Variants in NME7 observed in about 807,000 individuals in gnomAD.
NME7 encodes the protein NME/NM23 family member 7.
Under a neutral mutation model 49.1 loss-of-function variants are expected in NME7, and 41 were observed. The ratio of observed to expected loss-of-function variants is 0.83; its 90% CI spans 0.65 to 1.08. The LOEUF is 1.08. NME7 is among the 50% of genes least tolerant of loss of function. The probability of loss-of-function intolerance (pLI) is 0.00; values close to 1 mark genes in which losing one functional copy is unlikely to be tolerated. For missense variants in NME7, 423 were observed against 463.4 expected (o/e 0.91, Z 0.80); for synonymous variants, 139 against 150.6 (o/e 0.92, Z 0.56).
Position 169,256,519 on chromosome 1 carries a change from G to C in NME7, c.755-18832C>G, listed in dbSNP as rs533444340. ...TTGCCTTTGGTTTGAATGCCCTCCA[G>C]TAGCTCAGAGTAATTTGATCGTCTG... is the stretch of plus-strand genomic sequence containing the variant. On this transcript the variant is annotated intron_variant, in intron 7 of 11. Transcript: ENST00000367811. 2.3e-5 allele frequency among the ~76,000 whole-genome samples: 3 copies of C among 132,680 alleles called. 1 individual carries two copies. The East Asian group carries it at 6.0e-4, about 27-fold the overall frequency. 87.0% of individuals were successfully genotyped at this position (132,680 alleles called of 152,430 possible).
intron 10 of NME7, among the ~76,000 whole-genome samples, chr1:169,176,775 C>G (rs925962461): frequency 2.6e-5 from 4 of 151,816 alleles, no homozygotes; most frequent in African/African-American, 9.7e-5. Context: ...AGGATGAGCT[C>G]AACTAAAAAA....
intron 11 of NME7, among the ~76,000 whole-genome samples, chr1:169,141,641 T>G (rs889554063): frequency 7.2e-5 from 11 of 152,240 alleles, no homozygotes; most frequent in African/African-American, 1.7e-4. Flanking sequence ...AATATTTTAT[T>G]TCTTGGGAAG....
At chr1:169,145,460 G>A (rs1658720902) in intron 11 of NME7, among the ~76,000 whole-genome samples, 2 of 152,168 alleles carry the variant, frequency 1.3e-5, no homozygotes, top group South Asian at 4.1e-4. Context: ...GTTGTCATAA[G>A]GCCAGTTATA....
intron 3 of NME7, among the ~76,000 whole-genome samples, chr1:169,319,007 T>C (rs2101931619): frequency 6.6e-6 from 1 of 151,216 alleles, no homozygotes; most frequent in South Asian, 2.1e-4. Context: ...ACATTTTTTG[T>C]ATTTATTAAA....
intron 11 of NME7, among the ~76,000 whole-genome samples, chr1:169,164,552 G>A (rs1473024097): frequency 2.0e-5 from 3 of 152,190 alleles, no homozygotes; most frequent in Non-Finnish European, 4.4e-5. Context: ...ACTTGCCCAG[G>A]AGTACAGAGC....
At chr1:169,320,779 T>C (rs1356052156) in intron 3 of NME7, among the ~76,000 whole-genome samples, 2 of 152,228 alleles carry the variant, frequency 1.3e-5, no homozygotes, top group African/African-American at 2.4e-5. Context: ...TCATTTTCAT[T>C]AACTATATAA....
At chr1:169,159,210 T>A (rs1466393624) in intron 11 of NME7, among the ~76,000 whole-genome samples, 1 of 152,122 alleles carries the variant, frequency 6.6e-6, no homozygotes, top group Non-Finnish European at 1.5e-5. Flanking sequence ...CTTCTTTCTT[T>A]ATGCCTGGAA....
At chr1:169,235,254 T>A (rs566797678) in intron 8 of NME7, 55 bp from the exon 9 acceptor site, 9 of 909,996 alleles carry the variant, frequency 9.9e-6, no homozygotes, top group Non-Finnish European at 1.5e-5. Flanking sequence ...AAAAGGGAAA[T>A]AAATAAGCCA....
At chr1:169,228,390 AG>A (rs1274306488) in intron 10 of NME7, among the ~76,000 whole-genome samples, 1 of 152,160 alleles carries the variant, frequency 6.6e-6, no homozygotes, top group Non-Finnish European at 1.5e-5. Context: ...CTTAAAAAAA[AG>A]TACAGGCCGG....
intron 11 of NME7, among the ~76,000 whole-genome samples, chr1:169,156,112 G>A (rs1659060686): frequency 2.0e-5 from 3 of 147,426 alleles, no homozygotes; most frequent in African/African-American, 5.0e-5. Flanking sequence ...GAGCCCAGGA[G>A]TTCTAGAGCA....
At chr1:169,269,066 T>C (rs541007082) in intron 7 of NME7, among the ~76,000 whole-genome samples, 1 of 133,958 alleles carries the variant, frequency 7.5e-6, no homozygotes, top group South Asian at 2.3e-4. Context: ...TAATACATAC[T>C]TACCTCTTCA....
intron 10 of NME7, among the ~76,000 whole-genome samples, chr1:169,228,224 T>G (rs1647427457): frequency 6.6e-6 from 1 of 152,072 alleles, no homozygotes; most frequent in Non-Finnish European, 1.5e-5. Flanking sequence ...TTCTATATAT[T>G]CACAAATACT....
chr1:169,309,575 A>C (rs530772366), intron 4 of NME7, among the ~76,000 whole-genome samples: 237 of 152,264 alleles, frequency 1.6e-3, no homozygotes, highest in Non-Finnish European at 2.2e-3. Flanking sequence ...AAAGACATGC[A>C]TATTGCTCCT....
At chr1:169,208,192 C>T (rs1301505024) in intron 10 of NME7, among the ~76,000 whole-genome samples, 4 of 152,098 alleles carry the variant, frequency 2.6e-5, no homozygotes, top group Non-Finnish European at 5.9e-5. Context: ...TCTATTATTG[C>T]AATTATAAGA....
chr1:169,188,969 G>A (rs138472283), intron 10 of NME7, among the ~76,000 whole-genome samples: 6 of 152,280 alleles, frequency 3.9e-5, no homozygotes, highest in Admixed American at 1.3e-4. Flanking sequence ...CATGGACACT[G>A]TCAGTCATAT....
intron 7 of NME7, among the ~76,000 whole-genome samples, chr1:169,280,180 T>C (rs1649947288): frequency 6.6e-6 from 1 of 152,218 alleles, no homozygotes; most frequent in African/African-American, 2.4e-5. Context: ...TGGTATCTCA[T>C]TGTAATTTTG....
chr1:169,228,403 C>A (rs1027864583), intron 10 of NME7, among the ~76,000 whole-genome samples: 1 of 152,068 alleles, frequency 6.6e-6, no homozygotes, highest in Non-Finnish European at 1.5e-5. Flanking sequence ...ACAGGCCGGG[C>A]ACGGTGGCTC....
intron 11 of NME7, among the ~76,000 whole-genome samples, chr1:169,135,146 C>G (rs1409259333): frequency 6.6e-6 from 1 of 151,526 alleles, no homozygotes; most frequent in African/African-American, 2.4e-5. Context: ...CTTCGGTAAG[C>G]CTGGGCAACA....
intron 10 of NME7, among the ~76,000 whole-genome samples, chr1:169,217,778 T>C (rs1409504091): frequency 6.6e-6 from 1 of 152,224 alleles, no homozygotes; most frequent in Non-Finnish European, 1.5e-5. Context: ...TACATTTGAA[T>C]CAATTGCATG....
Sources: allele counts gnomAD v4.1 joint callset (sites outside exome capture counted in the v4.1 genomes callset), GRCh38; gene constraint gnomAD v4.1.1; transcripts MANE v1.5; gene names NCBI Gene and HGNC (gene_info 2026-07-23, HGNC 2026-07-21).